The following UBE2E3 variants were observed in gnomAD, a reference collection of about 807,000 sequenced individuals.
UBE2E3 encodes ubiquitin conjugating enzyme E2 E3, also known as ubiquitin-conjugating enzyme E2 E3.
A neutral mutation model predicts 23.6 loss-of-function variants in UBE2E3; 5 were observed. That is an observed-to-expected ratio of 0.21 (90% CI 0.11 to 0.44). The LOEUF is 0.44. UBE2E3 is among the 20% of genes least tolerant of loss of function. UBE2E3 has a pLI of 0.99. For missense variants in UBE2E3, 81 were observed against 249.8 expected (o/e 0.32, Z 4.55); for synonymous variants, 78 against 87.5 (o/e 0.89, Z 0.60).
intron 3 of UBE2E3, among the ~76,000 whole-genome samples, chr2:181,055,311 A>G (rs1424634864): frequency 6.6e-6 from 1 of 151,762 alleles, no homozygotes; most frequent in African/African-American, 2.4e-5. Context: ...ATCACTCACC[A>G]GAGAAGGAAA....
At chr2:180,984,959 A>G (rs1174997363) in intron 3 of UBE2E3, among the ~76,000 whole-genome samples, 1 of 152,134 alleles carries the variant, frequency 6.6e-6, no homozygotes, top group Non-Finnish European at 1.5e-5. Flanking sequence ...AGTGGCTGCA[A>G]GGAATTAGGC....
intron 3 of UBE2E3, among the ~76,000 whole-genome samples, chr2:180,988,754 G>C (rs1684561207): frequency 6.6e-6 from 1 of 152,048 alleles, no homozygotes; most frequent in East Asian, 1.9e-4. Flanking sequence ...TAGCTTTGTT[G>C]GTTGCTTATA....
intron 3 of UBE2E3, among the ~76,000 whole-genome samples, chr2:181,029,285 C>T (rs1243230280): frequency 1.3e-5 from 2 of 151,840 alleles, no homozygotes; most frequent in Non-Finnish European, 2.9e-5. Context: ...AGCTGCCTGA[C>T]GCATTCATAT....
intron 2 of UBE2E3, among the ~76,000 whole-genome samples, chr2:180,983,142 A>G (rs919733376): frequency 2.6e-5 from 4 of 150,992 alleles, no homozygotes; most frequent in Non-Finnish European, 5.9e-5. Context: ...CATTTTGTTA[A>G]TTTTTATTGA....
At chr2:181,050,361 A>G (rs192340567) in intron 3 of UBE2E3, among the ~76,000 whole-genome samples, 1 of 152,002 alleles carries the variant, frequency 6.6e-6, no homozygotes, top group East Asian at 1.9e-4. Flanking sequence ...CTAAGTGCTA[A>G]AAGACTCTAA....
chr2:181,020,012 A>T (rs1685624398), intron 3 of UBE2E3, among the ~76,000 whole-genome samples: 1 of 152,126 alleles, frequency 6.6e-6, no homozygotes, highest in Non-Finnish European at 1.5e-5. Flanking sequence ...CCCATACGTC[A>T]ACCCCTGACA....
At chr2:180,996,889 T>TA (rs1684837379) in intron 3 of UBE2E3, among the ~76,000 whole-genome samples, 1 of 152,218 alleles carries the variant, frequency 6.6e-6, no homozygotes, top group Admixed American at 6.5e-5. Flanking sequence ...TTTCTTCCTC[T>TA]AGCCCTTTAG....
At chr2:181,045,203 G>A (rs558122350) in intron 3 of UBE2E3, among the ~76,000 whole-genome samples, 4 of 152,226 alleles carry the variant, frequency 2.6e-5, no homozygotes, top group Non-Finnish European at 5.9e-5. Context: ...TTGTAGAGAC[G>A]TTTTCTCATT....
chr2:181,052,152 A>G (rs1686861245), intron 3 of UBE2E3, among the ~76,000 whole-genome samples: 1 of 151,868 alleles, frequency 6.6e-6, no homozygotes, highest in Non-Finnish European at 1.5e-5. Flanking sequence ...GGTGGCTGAC[A>G]CACCCACATC....
At chr2:181,012,720 G>A (rs911407855) in intron 3 of UBE2E3, among the ~76,000 whole-genome samples, 2 of 152,156 alleles carry the variant, frequency 1.3e-5, no homozygotes, top group East Asian at 1.9e-4. Flanking sequence ...TAGTTATACA[G>A]ATATTTAGTT....
intron 3 of UBE2E3, among the ~76,000 whole-genome samples, chr2:180,999,020 A>C (rs1684916253): frequency 6.6e-6 from 1 of 152,160 alleles, no homozygotes; most frequent in Admixed American, 6.5e-5. Flanking sequence ...TTTATTCTAG[A>C]GCATAAGAAA....
intron 3 of UBE2E3, among the ~76,000 whole-genome samples, chr2:181,044,968 C>T (rs761804054): frequency 2.0e-5 from 3 of 152,272 alleles, no homozygotes; most frequent in Non-Finnish European, 2.9e-5. Context: ...AGTCAGAGAA[C>T]TTACTAAGTG....
At chr2:181,045,502 C>A (rs1195168642) in intron 3 of UBE2E3, among the ~76,000 whole-genome samples, 1 of 152,144 alleles carries the variant, frequency 6.6e-6, no homozygotes, top group African/African-American at 2.4e-5. Context: ...TTTCCCCATT[C>A]TTTCTGCATA....
At chr2:181,035,353 G>A (rs1273074227) in intron 3 of UBE2E3, among the ~76,000 whole-genome samples, 3 of 151,970 alleles carry the variant, frequency 2.0e-5, no homozygotes, top group Non-Finnish European at 4.4e-5. Context: ...CTTAAACACA[G>A]CTTTTGTCAT....
intron 3 of UBE2E3, among the ~76,000 whole-genome samples, chr2:181,034,490 AC>A (rs1219515170): frequency 6.6e-6 from 1 of 152,202 alleles, no homozygotes; most frequent in African/African-American, 2.4e-5. Flanking sequence ...GAACACTTGG[AC>A]ACAGGAAGGG....
intron 3 of UBE2E3, among the ~76,000 whole-genome samples, chr2:181,023,370 C>G (rs551050952): frequency 6.6e-6 from 1 of 152,300 alleles, no homozygotes; most frequent in East Asian, 1.9e-4. Flanking sequence ...AGAACATCCT[C>G]TACTTTTGTC....
At chr2:181,057,595 C>A in intron 3 of UBE2E3, 98 bp from the exon 4 acceptor site, 1 of 992,934 alleles carries the variant, frequency 1.0e-6, no homozygotes, top group Non-Finnish European at 1.5e-6. Flanking sequence ...TCTTATTGCT[C>A]TAGATTGCTA....
chr2:181,045,525 G>A (rs748540611), intron 3 of UBE2E3, among the ~76,000 whole-genome samples: 3 of 151,840 alleles, frequency 2.0e-5, no homozygotes, highest in Admixed American at 6.6e-5. Context: ...TGCTCTCCCC[G>A]TCTCCAGTTG....
intron 3 of UBE2E3, among the ~76,000 whole-genome samples, chr2:181,039,835 A>G (rs1425270627): frequency 6.6e-6 from 1 of 152,166 alleles, no homozygotes; most frequent in Non-Finnish European, 1.5e-5. Context: ...CCTTATATAA[A>G]ATGGCATACT....
Sources: gnomAD v4.1 joint callset for allele counts (sites outside exome capture counted in the v4.1 genomes callset) on GRCh38, gnomAD v4.1.1 for gene constraint, MANE v1.5 for transcripts, NCBI Gene and HGNC (gene_info 2026-07-23, HGNC 2026-07-21) for gene names.